Variants in MKLN1 observed in about 807,000 individuals in gnomAD.
MKLN1 encodes the protein muskelin.
MKLN1 carries 18 observed loss-of-function variants against 99.0 expected under a neutral mutation model. The ratio of observed to expected loss-of-function variants is 0.18; its 90% CI spans 0.13 to 0.27. The LOEUF (loss-of-function observed/expected upper bound fraction) is 0.27. Ranked by LOEUF, MKLN1 falls within the 10% of genes least tolerant of loss-of-function variation. The pLI, the probability that MKLN1 is intolerant of heterozygous loss-of-function variation, is 1.00. For missense variants in MKLN1, 621 were observed against 875.9 expected (o/e 0.71, Z 3.67); for synonymous variants, 288 against 293.2 (o/e 0.98, Z 0.18).
intron 3 of MKLN1, among the ~76,000 whole-genome samples, chr7:131,320,459 C>A (rs1477443417): frequency 1.3e-5 from 2 of 152,108 alleles, no homozygotes; most frequent in East Asian, 3.8e-4. Context: ...AATGTAAAAC[C>A]CCAAGCCATA....
Position 131,383,671 on chromosome 7 carries a change from A to G in MKLN1, c.169-3449A>G, listed in dbSNP as rs183284707. ...TGTTTCTTTGCCAGTTCTTTCCATC[A>G]CAGTAAATGATATCACCACTTACCC... On this transcript the variant is annotated intron_variant, in intron 2 of 17. Coordinates refer to ENST00000352689, the MANE Select transcript of MKLN1 (RefSeq NM_013255.5). Among the ~76,000 whole-genome samples, 28 of 152,286 alleles carry G rather than the reference A, an allele frequency of 1.8e-4. No homozygotes were observed. In the East Asian group the frequency reaches 5.0e-3, roughly 27 times the overall value.
chr7:131,187,939 G>C (rs182370204), intron 2 of MKLN1, among the ~76,000 whole-genome samples: 2 of 152,246 alleles, frequency 1.3e-5, no homozygotes, highest in Admixed American at 1.3e-4. Flanking sequence ...CTGGGTGACA[G>C]AGTGAGACTC....
chr7:131,301,232 T>C (rs1338688448), intron 3 of MKLN1, among the ~76,000 whole-genome samples: 1 of 152,158 alleles, frequency 6.6e-6, no homozygotes, highest in Non-Finnish European at 1.5e-5. Flanking sequence ...ATAAATATGT[T>C]CACCAGAGAA....
At chr7:131,175,202 A>C (rs1009607609) in intron 2 of MKLN1, among the ~76,000 whole-genome samples, 1 of 150,644 alleles carries the variant, frequency 6.6e-6, no homozygotes, top group Non-Finnish European at 1.5e-5. Context: ...ATAGATAGAT[A>C]GATAGAATGG....
chr7:131,332,518 T>C (rs2116698543), intron 1 of MKLN1, among the ~76,000 whole-genome samples: 1 of 150,350 alleles, frequency 6.7e-6, no homozygotes, highest in African/African-American at 2.4e-5. Flanking sequence ...ATGCTCTATG[T>C]TTATTATCGA....
At chr7:131,112,106 A>C (rs1795211093) in intron 1 of MKLN1, among the ~76,000 whole-genome samples, 1 of 152,258 alleles carries the variant, frequency 6.6e-6, no homozygotes, top group African/African-American at 2.4e-5. Flanking sequence ...AAATAGGTGG[A>C]TTCTGATGTA....
chr7:131,275,534 G>GATAT (rs1166104066), intron 3 of MKLN1, among the ~76,000 whole-genome samples: 39 of 14,258 alleles, frequency 2.7e-3, no homozygotes, highest in African/African-American at 3.5e-3. Flanking sequence ...ACGCCCAGCT[G>GATAT]ATATATATAT....
At chr7:131,197,385 TTATTATTATTATTATTA>T (rs1377589311) in intron 2 of MKLN1, among the ~76,000 whole-genome samples, 531 of 17,154 alleles carry the variant, frequency 0.031, 7 homozygotes, top group African/African-American at 0.072. Context: ...AATTTTATTA[TTATTATTATTATTATTA>T]TTATTATTAT....
intron 8 of MKLN1, among the ~76,000 whole-genome samples, chr7:131,417,952 G>T (rs1376137642): frequency 6.6e-6 from 1 of 152,150 alleles, no homozygotes; most frequent in Non-Finnish European, 1.5e-5. Flanking sequence ...TTTAGGAAAA[G>T]AACTGTATTT....
chr7:131,404,402 C>T (rs1044940604), intron 6 of MKLN1, among the ~76,000 whole-genome samples: 1 of 152,126 alleles, frequency 6.6e-6, no homozygotes. Context: ...TTAACTTTAG[C>T]CTTGAACTCC....
At chr7:131,113,667 CAAAAAAAA>C (rs71168363) in intron 1 of MKLN1, among the ~76,000 whole-genome samples, 1 of 96,504 alleles carries the variant, frequency 1.0e-5, no homozygotes, top group Non-Finnish European at 2.3e-5. Flanking sequence ...TACAAAAATA[CAAAAAAAA>C]AAAAAAAAAA....
At chr7:131,218,782 C>A (rs1439183393) in intron 3 of MKLN1, among the ~76,000 whole-genome samples, 1 of 152,002 alleles carries the variant, frequency 6.6e-6, no homozygotes, top group Non-Finnish European at 1.5e-5. Context: ...GACCTTCCAA[C>A]CTTCCCCCCG....
intron 3 of MKLN1, among the ~76,000 whole-genome samples, chr7:131,214,610 A>G (rs754077131): frequency 6.6e-5 from 10 of 152,230 alleles, no homozygotes; most frequent in Non-Finnish European, 1.3e-4. Context: ...ATCACTGGAC[A>G]GCCTGTAATC....
Position 131,489,260 on chromosome 7 carries a change from T to G in MKLN1, c.*1532T>G, listed in dbSNP as rs1004139647. ...TTTGGGGATGGATAGAAATATATTT[T>G]TGCTAGTTCTAGGCTTGAATCATGG... is the stretch of plus-strand genomic sequence containing the variant. On this transcript the variant is annotated 3_prime_UTR_variant, in exon 18 of 18. Coordinates refer to ENST00000352689, the MANE Select transcript of MKLN1 (RefSeq NM_013255.5). 1 of 152,142 alleles carries G rather than the reference T, an allele frequency of 6.6e-6. No individual in the cohort carries two copies. The highest frequency in any genetic ancestry group is 1.5e-5 in the Non-Finnish European group (1 of 68,020). 9.4% of individuals were successfully genotyped at this position (152,142 alleles called of 1,614,324 possible).
Position 131,247,235 on chromosome 7 carries a change from C to CTTTTCT in MKLN1, c.-179+44265_-179+44266insCTTTTT, listed in dbSNP as rs1554542026. Among the ~76,000 whole-genome samples the CTTTTCT allele has an allele frequency of 3.0e-3, 430 of 141,170 alleles. 3 individuals carry two copies. Among genetic ancestry groups the CTTTTCT allele is most frequent in the African/African-American group, 0.01 (384 of 37,812 alleles). The allele number at this position is 141,170 out of a possible 152,430, so 92.6% of individuals were successfully genotyped here. The stretch of plus-strand genomic sequence containing the variant: ...TTACCTTTTCTTCTTTTTCTTTTTT[C>CTTTTCT]TTTTTTTTTTTTTTGTCACCATGGC... On this transcript the variant is annotated intron_variant, in intron 3 of 7. Transcript: ENST00000416992.
chr7:131,253,004 G>C (rs1797606005), intron 3 of MKLN1, among the ~76,000 whole-genome samples: 1 of 152,194 alleles, frequency 6.6e-6, no homozygotes, highest in Non-Finnish European at 1.5e-5. Flanking sequence ...ATCCTATTAG[G>C]AGATGATTTC....
At chr7:131,125,641 C>A (rs1164725842) in intron 1 of MKLN1, among the ~76,000 whole-genome samples, 2 of 152,174 alleles carry the variant, frequency 1.3e-5, no homozygotes, top group Non-Finnish European at 2.9e-5. Flanking sequence ...GAAGCCCAGG[C>A]AGGAAGATTC....
rs1430123639 is a variant in MKLN1 at position 131,154,465 on chromosome 7, AC to A, written c.-297+11525del. ...ATGAGAGGAAGGGAATATAGATGTA[AC>A]ATGGAGGAGGTTAGGCAGAAATCCT... is the stretch of plus-strand genomic sequence containing the variant. On this transcript the variant is annotated intron_variant, in intron 2 of 7. Coordinates refer to the MKLN1 transcript ENST00000416992. Among the ~76,000 whole-genome samples the A allele has an allele frequency of 3.9e-4, 60 of 152,290 alleles. 1 individual carries two copies. The highest frequency in any genetic ancestry group is 1.3e-3 in the African/African-American group (52 of 41,568).
intron 2 of MKLN1, among the ~76,000 whole-genome samples, chr7:131,161,959 GTGTGTATATA>G (rs1408627193): frequency 8.0e-4 from 54 of 67,832 alleles, no homozygotes; most frequent in East Asian, 7.1e-3. Context: ...ACGTGTGTGT[GTGTGTATATA>G]TATATATATA....
Sources: allele counts gnomAD v4.1 joint callset (sites outside exome capture counted in the v4.1 genomes callset), GRCh38; gene constraint gnomAD v4.1.1; transcripts MANE v1.5; gene names NCBI Gene and HGNC (gene_info 2026-07-23, HGNC 2026-07-21).